Variants in UBE2O observed in about 807,000 individuals in gnomAD.
UBE2O encodes the protein ubiquitin conjugating enzyme E2 O.
Under a neutral mutation model 125.8 loss-of-function variants are expected in UBE2O, and 15 were observed. The observed-to-expected ratio is 0.12, with a 90% CI of 0.08 to 0.18. The LOEUF (loss-of-function observed/expected upper bound fraction) is 0.18, where lower values mean the gene tolerates loss of function less well. UBE2O is among the 10% of genes least tolerant of loss of function. UBE2O has a pLI of 1.00. For missense variants in UBE2O, 1,280 were observed against 1,723.6 expected (o/e 0.74, Z 4.56); for synonymous variants, 708 against 703.2 (o/e 1.01, Z -0.11).
intron 1 of UBE2O, among the ~76,000 whole-genome samples, chr17:76,428,072 T>G (rs953540977): frequency 6.6e-6 from 1 of 152,218 alleles, no homozygotes; most frequent in Admixed American, 6.5e-5. Flanking sequence ...GCATTTTAAG[T>G]GATTGTAATG....
At position 76,399,953 on chromosome 17, in the gene UBE2O, TGAGGTGCACCTGGGCAG is replaced by T; in HGVS notation, c.1156-49_1156-33del. ...GGGCGGAGCAGAGAGGACAGGGCTG[TGAGGTGCACCTGGGCAG>T]GCCTGGCCCTAGGCATCTCAGGCTG... On this transcript the variant is annotated intron_variant, in intron 8 of 17. Coordinates refer to ENST00000319380, the MANE Select transcript of UBE2O (RefSeq NM_022066.4). The surrounding 1 kb of genome is among the most constrained non-coding windows in gnomAD (Gnocchi z 6.9). The T allele has an allele frequency of 6.4e-7, 1 of 1,571,064 alleles. No homozygotes were observed. Among genetic ancestry groups the T allele is most frequent in the Non-Finnish European group, 8.6e-7 (1 of 1,158,516 alleles).
intron 1 of UBE2O, among the ~76,000 whole-genome samples, chr17:76,444,003 C>A (rs955988893): frequency 2.0e-5 from 3 of 152,054 alleles, no homozygotes; most frequent in African/African-American, 4.8e-5. Context: ...GATGGATCAC[C>A]TGAGGTCAAG....
At chr17:76,441,655 G>A (rs887046018) in intron 1 of UBE2O, among the ~76,000 whole-genome samples, 5 of 152,318 alleles carry the variant, frequency 3.3e-5, no homozygotes, top group Admixed American at 2.0e-4. Flanking sequence ...TGTTAGACAC[G>A]CAGATTCTTC....
rs80317542 is a variant in UBE2O, at chr17:76,397,907, A to T, written c.2026-19T>A. The T allele has an allele frequency of 6.2e-7, 1 of 1,613,200 alleles. No homozygotes were observed. ...CCGATGGCTGCTGGGCAAAGGGGAC[A>T]AAGTCAGGGGGCCCAGCTCAAGCTC... is the stretch of plus-strand genomic sequence containing the variant. On this transcript the variant is annotated intron_variant, in intron 12 of 17. Coordinates refer to ENST00000319380, the MANE Select transcript of UBE2O (RefSeq NM_022066.4).
At chr17:76,438,934 C>G (rs1182787501) in intron 1 of UBE2O, among the ~76,000 whole-genome samples, 1 of 152,166 alleles carries the variant, frequency 6.6e-6, no homozygotes, top group East Asian at 1.9e-4. Flanking sequence ...TAAAATCCTC[C>G]TAACTGGCCT....
chr17:76,412,678 G>C (rs528980884), intron 1 of UBE2O, among the ~76,000 whole-genome samples: 35 of 152,254 alleles, frequency 2.3e-4, no homozygotes, highest in African/African-American at 7.0e-4. Context: ...TCAAGACAGG[G>C]GTCACGTGTG....
intron 1 of UBE2O, among the ~76,000 whole-genome samples, chr17:76,408,300 C>T (rs972055330): frequency 1.8e-4 from 27 of 152,254 alleles, no homozygotes; most frequent in African/African-American, 5.8e-4. Flanking sequence ...GTGCTTCCTA[C>T]CTGGCAGACA....
chr17:76,419,586 T>C (rs1052059142), intron 1 of UBE2O, among the ~76,000 whole-genome samples: 13 of 152,122 alleles, frequency 8.5e-5, no homozygotes, highest in African/African-American at 1.4e-4. Context: ...GTCCTCAAAC[T>C]GATATGGCCC....
At chr17:76,444,199 C>T (rs999746569) in intron 1 of UBE2O, among the ~76,000 whole-genome samples, 4 of 151,870 alleles carry the variant, frequency 2.6e-5, no homozygotes, top group South Asian at 2.1e-4. Flanking sequence ...CCAGCCTGGG[C>T]GACAGACTGA....
rs545561474 is a variant in UBE2O, at chr17:76,404,327, T to C, written c.588+879A>G. On this transcript the variant is annotated intron_variant, in intron 3 of 17. Transcript: ENST00000319380. This position sits in a 1 kb window ranked among gnomAD's most constrained non-coding sequence, Gnocchi z 4.3. ...GTGAACAACCCCAGCACTTTGGCTA[T>C]GGGGTACCATGAACCAGGGCAGAGC... Among the ~76,000 whole-genome samples, 1 of 152,276 alleles carries C rather than the reference T, an allele frequency of 6.6e-6. No homozygotes were observed. The highest frequency in any genetic ancestry group is 1.9e-4 in the East Asian group (1 of 5,182).
At chr17:76,415,530 C>T (rs532597469) in intron 1 of UBE2O, among the ~76,000 whole-genome samples, 4 of 152,284 alleles carry the variant, frequency 2.6e-5, no homozygotes, top group Non-Finnish European at 5.9e-5. Context: ...CTGGGCCTGG[C>T]GAGGTGGCTC....
chr17:76,411,641 G>A (rs1243390244), intron 1 of UBE2O, among the ~76,000 whole-genome samples: 1 of 152,148 alleles, frequency 6.6e-6, no homozygotes, highest in Non-Finnish European at 1.5e-5. Flanking sequence ...GGGGTAAAAG[G>A]CAACCCCACC....
At chr17:76,447,608 G>A (rs993987968) in intron 1 of UBE2O, among the ~76,000 whole-genome samples, 1 of 152,020 alleles carries the variant, frequency 6.6e-6, no homozygotes, top group Non-Finnish European at 1.5e-5. Context: ...GGACGGCCGG[G>A]GTTACTTTAA....
chr17:76,403,278 ATT>A (rs1240919329), intron 3 of UBE2O, among the ~76,000 whole-genome samples: 2 of 151,696 alleles, frequency 1.3e-5, no homozygotes, highest in African/African-American at 4.8e-5. Flanking sequence ...CTTTATTATT[ATT>A]TTTTTTAGAG....
intron 1 of UBE2O, among the ~76,000 whole-genome samples, chr17:76,422,439 G>A (rs2072727133): frequency 6.6e-6 from 1 of 152,176 alleles, no homozygotes. Flanking sequence ...ATCATATGCT[G>A]TAGACCATCC....
Position 76,398,345 on chromosome 17 carries a change from A to G in UBE2O, c.1935T>C (p.Ile645=). The G allele has an allele frequency of 1.9e-6, 3 of 1,614,134 alleles. No homozygotes were observed. The highest frequency in any genetic ancestry group is 2.5e-6 in the Non-Finnish European group (3 of 1,180,046). The change falls in exon 12 of 18, where the codon ATT becomes ATC. Residue 645 remains isoleucine (I), a synonymous_variant. Coordinates refer to ENST00000319380, the MANE Select transcript of UBE2O (RefSeq NM_022066.4). This position sits in a 1 kb window ranked among gnomAD's most constrained non-coding sequence, Gnocchi z 5.4. ...GEEEDVSVYD[I]ADHPDFRFRT... is the part of the protein sequence containing the mutation. Reference sequence around the variant, plus strand: ...GGAACCTAAAGTCAGGGTGGTCAGCAATGTCGTAAACACTCACATCTTCCT... The same window carrying G: ...GGAACCTAAAGTCAGGGTGGTCAGCGATGTCGTAAACACTCACATCTTCCT...
chr17:76,434,745 G>A (rs965034289), intron 1 of UBE2O, among the ~76,000 whole-genome samples: 1 of 149,662 alleles, frequency 6.7e-6, no homozygotes, highest in Non-Finnish European at 1.5e-5. Context: ...AGGCACCTGC[G>A]ATGTTCTGGA....
In UBE2O at chr17:76,400,971, G is replaced by A; in HGVS notation, c.894+40C>T. The A allele has an allele frequency of 6.2e-7, 1 of 1,609,878 alleles. No homozygotes were observed. The highest frequency in any genetic ancestry group is 1.1e-5 in the South Asian group (1 of 90,836). Reference sequence around the variant, plus strand: ...CAGCAGCTCAGCTCCAGGGTGTGGAGGTCAAGGACTCCATCTCCTACCCTT... The same window carrying A: ...CAGCAGCTCAGCTCCAGGGTGTGGAAGTCAAGGACTCCATCTCCTACCCTT... On this transcript the variant is annotated intron_variant, in intron 6 of 17. Transcript: ENST00000319380. This position sits in a 1 kb window ranked among gnomAD's most constrained non-coding sequence, Gnocchi z 4.3.
intron 1 of UBE2O, among the ~76,000 whole-genome samples, chr17:76,433,610 T>G (rs2072937649): frequency 4.0e-4 from 1 of 2,526 alleles, no homozygotes; most frequent in Non-Finnish European, 9.1e-4. Flanking sequence ...AATAAACCTT[T>G]TTTTTTTTAA....
Sources: allele counts gnomAD v4.1 joint callset (sites outside exome capture counted in the v4.1 genomes callset), GRCh38; gene constraint gnomAD v4.1.1; non-coding constraint Gnocchi (gnomAD v3.1); transcripts MANE v1.5; gene names NCBI Gene and HGNC (gene_info 2026-07-23, HGNC 2026-07-21).